The following ADK variants were observed in gnomAD, a reference collection of about 807,000 sequenced individuals.
ADK encodes N6,N6-dimethyladenosine kinase.
Under a neutral mutation model 44.7 loss-of-function variants are expected in ADK, and 24 were observed. The observed-to-expected ratio is 0.54, with a 90% CI of 0.39 to 0.76. The LOEUF is 0.76. Among genes scored for constraint, ADK ranks in the 30% least tolerant of loss-of-function variants. The pLI, the probability that ADK is intolerant of heterozygous loss-of-function variation, is 0.00. For synonymous variants in ADK, 128 were observed against 142.6 expected (o/e 0.90, Z 0.73); for missense variants, 321 against 425.1 (o/e 0.76, Z 2.15).
At chr10:74,293,791 G>A (rs191658269) in intron 3 of ADK, among the ~76,000 whole-genome samples, 1 of 152,230 alleles carries the variant, frequency 6.6e-6, no homozygotes, top group African/African-American at 2.4e-5. Context: ...TTAACTTTTT[G>A]TGAATTAAAG....
At chr10:74,698,347 GCT>G (rs1294999803) in intron 10 of ADK, among the ~76,000 whole-genome samples, 1 of 152,162 alleles carries the variant, frequency 6.6e-6, no homozygotes. Context: ...TGCTCTCTTG[GCT>G]GTGTTGAAAA....
intron 3 of ADK, among the ~76,000 whole-genome samples, chr10:74,284,892 C>G (rs1001414767): frequency 6.6e-6 from 1 of 152,226 alleles, no homozygotes; most frequent in Non-Finnish European, 1.5e-5. Flanking sequence ...CATTTTACAA[C>G]TGTGTAACAA....
intron 10 of ADK, among the ~76,000 whole-genome samples, chr10:74,707,490 T>C (rs1281073711): frequency 2.0e-5 from 3 of 152,052 alleles, no homozygotes; most frequent in Admixed American, 2.0e-4. Flanking sequence ...TGGCTGGGTG[T>C]GGTGGCTCAC....
chr10:74,562,370 T>G (rs898411935), intron 7 of ADK, among the ~76,000 whole-genome samples: 1 of 152,152 alleles, frequency 6.6e-6, no homozygotes, highest in African/African-American at 2.4e-5. Flanking sequence ...GGAGTCTGAG[T>G]CTTGCTACAG....
chr10:74,581,021 TAC>T (rs143153735), intron 7 of ADK, among the ~76,000 whole-genome samples: 30,239 of 145,104 alleles, frequency 0.21, 4,101 homozygotes, highest in African/African-American at 0.41. Flanking sequence ...CAATAATAAA[TAC>T]ACACACACAC....
chr10:74,353,515 G>C (rs182619273), intron 4 of ADK, among the ~76,000 whole-genome samples: 56 of 148,896 alleles, frequency 3.8e-4, no homozygotes, highest in Admixed American at 6.1e-4. Flanking sequence ...CATGGCACAT[G>C]TATACCAACG....
chr10:74,330,115 C>T (rs12359775), intron 4 of ADK, among the ~76,000 whole-genome samples: 73,614 of 152,018 alleles, frequency 0.48, 20,226 homozygotes, highest in Non-Finnish European at 0.62. Flanking sequence ...CTGTAGTGAG[C>T]CATGATTCTG....
At chr10:74,575,545 G>A (rs1459542857) in intron 7 of ADK, among the ~76,000 whole-genome samples, 2 of 152,158 alleles carry the variant, frequency 1.3e-5, no homozygotes, top group East Asian at 3.9e-4. Context: ...AATTCACTTA[G>A]TACCTACATG....
At chr10:74,597,768 G>T (rs536007393) in intron 8 of ADK, among the ~76,000 whole-genome samples, 169 of 152,204 alleles carry the variant, frequency 1.1e-3, no homozygotes, top group African/African-American at 3.9e-3. Flanking sequence ...GGTGGTGTTT[G>T]CTAGTTTATC....
intron 6 of ADK, among the ~76,000 whole-genome samples, chr10:74,457,268 A>G (rs537498052): frequency 7.2e-5 from 11 of 152,216 alleles, no homozygotes; most frequent in Non-Finnish European, 1.6e-4. Context: ...ACCCCCTCCC[A>G]AGACTAAACC....
chr10:74,668,725 A>C (rs1397895952), intron 9 of ADK, among the ~76,000 whole-genome samples: 1 of 151,896 alleles, frequency 6.6e-6, no homozygotes, highest in Non-Finnish European at 1.5e-5. Flanking sequence ...ATAGAATGAG[A>C]CTCCGTCTCA....
rs191777819 is a variant in ADK, at chr10:74,573,423, G to A, written c.727-15859G>A. 1.2e-4 allele frequency among the ~76,000 whole-genome samples: 19 copies of A among 152,352 alleles called. 1 individual carries two copies. Among genetic ancestry groups the A allele is most frequent in the South Asian group, 4.1e-4 (2 of 4,826 alleles). On this transcript the variant is annotated intron_variant, in intron 7 of 10. Coordinates refer to ENST00000539909, the MANE Select transcript of ADK (RefSeq NM_006721.4). ...TGTCAGTCTGCCCCTACTGGGGGATGCCTCCCAGTTAGGCTGCTCAGGGGT... is the reference window on the plus strand; with the variant it reads ...TGTCAGTCTGCCCCTACTGGGGGATACCTCCCAGTTAGGCTGCTCAGGGGT...
chr10:74,188,852 A>C (rs1469819020), intron 1 of ADK, among the ~76,000 whole-genome samples: 1 of 152,080 alleles, frequency 6.6e-6, no homozygotes, highest in Non-Finnish European at 1.5e-5. Flanking sequence ...CGTTTACTGC[A>C]ACCTTCGCCT....
At chr10:74,362,187 CT>C (rs1379763930) in intron 4 of ADK, among the ~76,000 whole-genome samples, 1 of 152,102 alleles carries the variant, frequency 6.6e-6, no homozygotes, top group Non-Finnish European at 1.5e-5. Context: ...CCTTCTTTGA[CT>C]TCAGTAACCT....
At chr10:74,677,268 A>G (rs949750914) in intron 10 of ADK, among the ~76,000 whole-genome samples, 14 of 152,290 alleles carry the variant, frequency 9.2e-5, no homozygotes, top group African/African-American at 2.9e-4. Flanking sequence ...AAACAATTTC[A>G]TTCTCTAATT....
intron 6 of ADK, among the ~76,000 whole-genome samples, chr10:74,493,741 G>T (rs1490043078): frequency 6.6e-6 from 1 of 151,944 alleles, no homozygotes; most frequent in Non-Finnish European, 1.5e-5. Flanking sequence ...TTCAGTTGAA[G>T]AAATAGATCA....
Position 74,177,923 on chromosome 10 carries a change from TTATA to T in ADK, c.66-22821_66-22818del, listed in dbSNP as rs1192890268. ...ATAGTCTGTCTCTTAAATTGCATAA[TTATA>T]TATATATATATATATATATTTTTTT... On this transcript the variant is annotated intron_variant, in intron 1 of 10. Coordinates refer to ENST00000539909, the MANE Select transcript of ADK (RefSeq NM_006721.4). Among the ~76,000 whole-genome samples the T allele has an allele frequency of 6.2e-3, 812 of 130,300 alleles. 11 individuals carry two copies. The highest frequency in any genetic ancestry group is 0.022 in the African/African-American group (759 of 35,292). The allele number at this position is 130,300 out of a possible 152,430, so 85.5% of individuals were successfully genotyped here.
intron 2 of ADK, among the ~76,000 whole-genome samples, chr10:74,207,750 C>A (rs185406834): frequency 2.5e-4 from 38 of 152,252 alleles, no homozygotes; most frequent in African/African-American, 9.1e-4. Flanking sequence ...AGTCTCACTC[C>A]CCTCAGTGGA....
At chr10:74,696,358 ATTTTTGTTTTTG>A (rs1371984954) in intron 10 of ADK, among the ~76,000 whole-genome samples, 1 of 148,306 alleles carries the variant, frequency 6.7e-6, no homozygotes, top group Non-Finnish European at 1.5e-5. Flanking sequence ...TTATTTATTT[ATTTTTGTTTTTG>A]TTTTTGTTTT....
Sources: gnomAD v4.1 joint callset for allele counts (sites outside exome capture counted in the v4.1 genomes callset) on GRCh38, gnomAD v4.1.1 for gene constraint, MANE v1.5 for transcripts, NCBI Gene and HGNC (gene_info 2026-07-23, HGNC 2026-07-21) for gene names.